WDR77: variants seen among roughly 807,000 people sequenced by gnomAD.
The protein encoded by WDR77 is WD repeat domain 77.
A neutral mutation model predicts 44.0 loss-of-function variants in WDR77; 31 were observed. The observed-to-expected ratio is 0.70, with a 90% confidence interval of 0.53 to 0.95. The LOEUF (loss-of-function observed/expected upper bound fraction) is 0.95, where lower values mean the gene tolerates loss of function less well. WDR77 is among the 40% of genes least tolerant of loss of function. The pLI is 0.00. For missense variants in WDR77, 390 were observed against 423.9 expected (o/e 0.92, Z 0.70); for synonymous variants, 186 against 165.7 (o/e 1.12, Z -0.94).
intron 4 of WDR77, among the ~76,000 whole-genome samples, chr1:111,446,182 T>C (rs1398347273): frequency 6.6e-6 from 1 of 152,172 alleles, no homozygotes; most frequent in Non-Finnish European, 1.5e-5. Flanking sequence ...GTCATGTACT[T>C]TGAAGTTAGA....
intron 4 of WDR77, among the ~76,000 whole-genome samples, chr1:111,445,358 C>T (rs60123167): frequency 0.034 from 5,234 of 152,194 alleles, 268 homozygotes; most frequent in African/African-American, 0.12. Context: ...AGAAAGCCAA[C>T]AGGATAAGAA....
rs749021299 is a variant in WDR77, at chr1:111,449,238, C to A, written c.-69G>T. 8.5e-6 allele frequency: 13 copies of A among 1,535,904 alleles called. No homozygotes were observed. The African/African-American group carries it at 1.6e-4, about 19-fold the overall frequency. Reference sequence around the variant, plus strand: ...CCGGAGACTCCGCTCCGGCAGCAAACCCCACGTGGTGCACCTCTGAGCCTC... The same window carrying A: ...CCGGAGACTCCGCTCCGGCAGCAAAACCCACGTGGTGCACCTCTGAGCCTC... On this transcript the variant is annotated 5_prime_UTR_variant, in exon 1 of 10. Coordinates refer to ENST00000235090, the MANE Select transcript of WDR77 (RefSeq NM_024102.4).
At position 111,440,443 on chromosome 1, in the gene WDR77, G is replaced by C. The variant is rs1652760661; in HGVS notation, c.*787C>G. 1 of 152,234 alleles carries C rather than the reference G, an allele frequency of 6.6e-6. No individual in the cohort carries two copies. Among genetic ancestry groups the C allele is most frequent in the Non-Finnish European group, 1.5e-5 (1 of 68,056 alleles). The allele number at this position is 152,234 out of a possible 1,614,324, so 9.4% of individuals were successfully genotyped here. On this transcript the variant is annotated 3_prime_UTR_variant, in exon 10 of 10. Coordinates refer to ENST00000235090, the MANE Select transcript of WDR77 (RefSeq NM_024102.4). ...CCCATGCTGTTTTGGGGTGGGAAAA[G>C]TGGCAAAGAATTCTCAACAGCCTGT... is the stretch of plus-strand genomic sequence containing the variant.
At chr1:111,446,819 T>C (rs2101746918) in intron 4 of WDR77, 2 of 349,780 alleles carry the variant, frequency 5.7e-6, no homozygotes, top group Admixed American at 9.2e-5. Context: ...AGGTAGTGAG[T>C]TATCTCAGTT....
Position 111,448,640 on chromosome 1 carries a change from T to C in WDR77, c.280A>G (p.Ile94Val), listed in dbSNP as rs746242637. The C allele has an allele frequency of 2.1e-5, 34 of 1,614,012 alleles. No homozygotes were observed. Among genetic ancestry groups the C allele is most frequent in the Non-Finnish European group, 2.7e-5 (32 of 1,180,032 alleles). ...TCACCTGAATCGGAGGCCACTAGAA[T>C]ACCTCTCTCCCCAACCCAAGTGAGG... ...ADLTWVGERG[I>V]LVASDSGAVE... is the part of the protein sequence containing the mutation. The change falls in exon 2 of 10, where the codon ATT becomes GTT. Residue 94 changes from isoleucine to valine, a missense_variant. By Grantham distance (29) the Ile-to-Val change is conservative. Coordinates refer to ENST00000235090, the MANE Select transcript of WDR77 (RefSeq NM_024102.4).
intron 8 of WDR77, 34 bp from the exon 9 acceptor site, chr1:111,442,127 A>G (rs1449516208): frequency 5.6e-6 from 9 of 1,603,882 alleles, no homozygotes; most frequent in Middle Eastern, 1.7e-4. Flanking sequence ...TGAAAGGTCC[A>G]GCCTGGATCC....
Position 111,448,091 on chromosome 1 carries a change from A to G in WDR77, c.302-515T>C, listed in dbSNP as rs148183724. 4.6e-5 allele frequency among the ~76,000 whole-genome samples: 7 copies of G among 152,288 alleles called. No individual in the cohort carries two copies. The East Asian group carries it at 1.3e-3, about 29-fold the overall frequency. On this transcript the variant is annotated intron_variant, in intron 2 of 9. Transcript: ENST00000235090. ...CCGCCAAAAGTTGTCTTGATTATGT[A>G]GTGTTCAAGCTCAACTGTCAGAGAG...
At chr1:111,443,278 C>T in intron 7 of WDR77, 45 bp downstream of exon 7, 1 of 1,536,380 alleles carries the variant, frequency 6.5e-7, no homozygotes, top group Non-Finnish European at 8.8e-7. Flanking sequence ...CTTTTTCCTC[C>T]TCCCCTTTCC....
Position 111,449,035 on chromosome 1 carries a change from G to A in WDR77, c.115+20C>T. ...CTGGGCCGGGGTAAGGGAGCTCCCA[G>A]GCCCGGGATCTCGGCTCACCGGACC... is the stretch of plus-strand genomic sequence containing the variant. On this transcript the variant is annotated intron_variant, in intron 1 of 9. Coordinates refer to ENST00000235090, the MANE Select transcript of WDR77 (RefSeq NM_024102.4). 1 of 1,565,422 alleles carries A rather than the reference G, an allele frequency of 6.4e-7. No homozygotes were observed.
At chr1:111,443,970 T>A in intron 5 of WDR77, 49 bp from the exon 6 acceptor site, 1 of 1,613,756 alleles carries the variant, frequency 6.2e-7, no homozygotes, top group African/African-American at 1.3e-5. Flanking sequence ...AAAGGAGCAG[T>A]TGCAGGCCAG....
rs1007111691 is a variant in WDR77, at chr1:111,442,228, A to C, written c.801-135T>G. 1.4e-5 allele frequency: 11 copies of C among 760,874 alleles called. No individual in the cohort carries two copies. In the East Asian group the frequency reaches 2.9e-4, roughly 20 times the overall value. 47.1% of individuals were successfully genotyped at this position (760,874 alleles called of 1,614,324 possible). On this transcript the variant is annotated intron_variant, in intron 8 of 9. Coordinates refer to ENST00000235090, the MANE Select transcript of WDR77 (RefSeq NM_024102.4). The stretch of plus-strand genomic sequence containing the variant: ...ATTCCCACTTTTGGCTAATCTGGCT[A>C]CTACAAGTCCACACTAAAAGTTTCA...
At chr1:111,442,525 C>T (rs929988020) in intron 8 of WDR77, 128 bp downstream of exon 8, 6 of 603,876 alleles carry the variant, frequency 9.9e-6, no homozygotes, top group African/African-American at 3.7e-5. Flanking sequence ...TTCGATGTTC[C>T]GAAACCTCAG....
intron 7 of WDR77, 45 bp downstream of exon 7, chr1:111,443,278 C>G (rs1480516438): frequency 6.5e-7 from 1 of 1,536,262 alleles, no homozygotes; most frequent in Non-Finnish European, 8.8e-7. Context: ...CTTTTTCCTC[C>G]TCCCCTTTCC....
chr1:111,445,949 T>C (rs1653008671), intron 4 of WDR77, among the ~76,000 whole-genome samples: 1 of 152,110 alleles, frequency 6.6e-6, no homozygotes, highest in Admixed American at 6.6e-5. Context: ...TTGTACTTTT[T>C]GGTAGAGTCA....
intron 4 of WDR77, among the ~76,000 whole-genome samples, chr1:111,445,310 A>G (rs1442403605): frequency 6.6e-6 from 1 of 152,364 alleles, no homozygotes; most frequent in Admixed American, 6.5e-5. Context: ...ATGGAATTAA[A>G]CCAGTTTCCA....
At chr1:111,447,318 TA>T in intron 3 of WDR77, 116 bp downstream of exon 3, 1 of 1,521,150 alleles carries the variant, frequency 6.6e-7, no homozygotes, top group Non-Finnish European at 8.9e-7. Flanking sequence ...ATAGACATGC[TA>T]AAATAAGTCA....
Position 111,440,654 on chromosome 1 carries a change from G to T in WDR77, c.*576C>A, listed in dbSNP as rs878909390. 1 of 152,198 alleles carries T rather than the reference G, an allele frequency of 6.6e-6. No individual in the cohort carries two copies. Among genetic ancestry groups the T allele is most frequent in the African/African-American group, 2.4e-5 (1 of 41,448 alleles). 9.4% of individuals were successfully genotyped at this position (152,198 alleles called of 1,614,324 possible). A position where few individuals can be genotyped will look rare whatever the true frequency, so the allele number is the denominator to read the frequency against. Reference sequence around the variant, plus strand: ...TTATTCAGCCAGAAAATGGATTTCTGATTCAGTTTAATGGTAAGGAGTTGT... The same window carrying T: ...TTATTCAGCCAGAAAATGGATTTCTTATTCAGTTTAATGGTAAGGAGTTGT... On this transcript the variant is annotated 3_prime_UTR_variant, in exon 10 of 10. Coordinates refer to ENST00000235090, the MANE Select transcript of WDR77 (RefSeq NM_024102.4).
At chr1:111,444,206 G>C in intron 4 of WDR77, 82 bp from the exon 5 acceptor site, 1 of 1,385,914 alleles carries the variant, frequency 7.2e-7, no homozygotes, top group Non-Finnish European at 1.0e-6. Context: ...TAATCAAGGG[G>C]CAGGAGGGAG....
intron 6 of WDR77, 190 bp downstream of exon 6, chr1:111,443,677 G>A: frequency 2.0e-6 from 2 of 985,390 alleles, no homozygotes; most frequent in Non-Finnish European, 2.4e-6. Context: ...CCAGGAACTG[G>A]CCCTTCCTCT....
Sources: allele counts gnomAD v4.1 joint callset (sites outside exome capture counted in the v4.1 genomes callset), GRCh38; gene constraint gnomAD v4.1.1; transcripts MANE v1.5; gene names NCBI Gene and HGNC (gene_info 2026-07-23, HGNC 2026-07-21).